The following DDX10 variants were observed in gnomAD, a reference collection of about 807,000 sequenced individuals.
DDX10 encodes DEAD-box helicase 10.
Under a neutral mutation model 104.3 loss-of-function variants are expected in DDX10, and 74 were observed. That is an observed-to-expected ratio of 0.71 (90% CI 0.59 to 0.86). DDX10 has a LOEUF of 0.86. DDX10 is among the 40% of genes least tolerant of loss of function. The pLI, the probability that DDX10 is intolerant of heterozygous loss-of-function variation, is 0.00. For synonymous variants in DDX10, 351 were observed against 353.4 expected (o/e 0.99, Z 0.08); for missense variants, 952 against 1,040.0 (o/e 0.92, Z 1.16).
intron 17 of DDX10, among the ~76,000 whole-genome samples, chr11:108,939,634 G>A (rs149159210): frequency 0.01 from 1,546 of 152,272 alleles, 22 homozygotes; most frequent in African/African-American, 0.036. Context: ...TCAGAAATTA[G>A]CTTTGTTTTT....
intron 16 of DDX10, among the ~76,000 whole-genome samples, chr11:108,902,943 G>A (rs942417144): frequency 1.3e-4 from 19 of 151,668 alleles, no homozygotes; most frequent in South Asian, 6.2e-4. Context: ...GATAATTTAC[G>A]TACTGTAAAA....
At chr11:108,835,480 G>C (rs1181231941) in intron 13 of DDX10, among the ~76,000 whole-genome samples, 1 of 152,222 alleles carries the variant, frequency 6.6e-6, no homozygotes, top group African/African-American at 2.4e-5. Flanking sequence ...ACCGGAAGGA[G>C]GGCCTTGAGT....
intron 16 of DDX10, among the ~76,000 whole-genome samples, chr11:108,880,993 A>C (rs1365437680): frequency 6.6e-6 from 1 of 152,210 alleles, no homozygotes; most frequent in African/African-American, 2.4e-5. Flanking sequence ...ATTTATAGAC[A>C]GACTCTTATG....
intron 13 of DDX10, among the ~76,000 whole-genome samples, chr11:108,761,121 T>G (rs1366378501): frequency 6.6e-6 from 1 of 151,762 alleles, no homozygotes; most frequent in East Asian, 1.9e-4. Flanking sequence ...TATTATGGAG[T>G]GTGTTATAAT....
At chr11:108,850,697 A>T (rs757692129) in intron 15 of DDX10, among the ~76,000 whole-genome samples, 1 of 152,190 alleles carries the variant, frequency 6.6e-6, no homozygotes, top group Non-Finnish European at 1.5e-5. Context: ...TCTAAAACAT[A>T]TTGATACGGA....
chr11:108,748,093 G>A (rs904730793), intron 13 of DDX10, among the ~76,000 whole-genome samples: 3 of 152,172 alleles, frequency 2.0e-5, no homozygotes, highest in African/African-American at 7.2e-5. Flanking sequence ...GCAGATTTTA[G>A]AAGGGACTTG....
rs2094208715 is a variant in DDX10 at position 108,665,346 on chromosome 11, C to T, written c.186+7C>T. The T allele has an allele frequency of 6.4e-7, 1 of 1,570,466 alleles. No homozygotes were observed. Among genetic ancestry groups the T allele is most frequent in the African/African-American group, 1.4e-5 (1 of 72,606 alleles). On this transcript the variant is annotated splice_region_variant and intron_variant, in intron 1 of 17. Coordinates refer to ENST00000322536, the MANE Select transcript of DDX10 (RefSeq NM_004398.4). ...CATGCAGAACTATGAAAAGGTGAGG[C>T]CGGCGCTGGGGAGGGGGCTCGGGCC...
At chr11:108,896,598 C>A (rs1036718658) in intron 16 of DDX10, among the ~76,000 whole-genome samples, 19 of 152,126 alleles carry the variant, frequency 1.2e-4, no homozygotes, top group African/African-American at 4.6e-4. Context: ...GTAGCAAGAG[C>A]ATTCCTGGTT....
At chr11:108,703,884 A>G (rs150676928) in intron 9 of DDX10, among the ~76,000 whole-genome samples, 3 of 152,284 alleles carry the variant, frequency 2.0e-5, no homozygotes, top group African/African-American at 7.2e-5. Flanking sequence ...AGATGTGTGT[A>G]ATGTAAAATA....
chr11:108,807,593 CTG>C (rs1041600843), intron 13 of DDX10, among the ~76,000 whole-genome samples: 19 of 152,130 alleles, frequency 1.2e-4, no homozygotes, highest in South Asian at 2.1e-4. Context: ...AAGTAGCAGA[CTG>C]TGGTGAACAG....
chr11:108,872,087 T>C (rs920426992), intron 16 of DDX10, among the ~76,000 whole-genome samples: 6 of 152,232 alleles, frequency 3.9e-5, no homozygotes, highest in African/African-American at 1.4e-4. Context: ...GAATTTGCCT[T>C]ATGAGTTAAC....
intron 13 of DDX10, among the ~76,000 whole-genome samples, chr11:108,771,837 A>G (rs987240844): frequency 3.5e-4 from 53 of 152,272 alleles, no homozygotes; most frequent in African/African-American, 1.2e-3. Flanking sequence ...CAATGTTGAT[A>G]TGTTTGCTTG....
rs1565256377 is a variant in DDX10 at position 108,715,901 on chromosome 11, G to A, written c.1345G>A (p.Asp449Asn). Residue 449 changes from aspartate to asparagine, a missense_variant, in exon 11 of 18, where the codon GAT becomes AAT. This residue lies in a region of DDX10 where 533 missense variants were observed against 534.1 expected (regional missense o/e 1.00). Coordinates refer to ENST00000322536, the MANE Select transcript of DDX10 (RefSeq NM_004398.4). Reference protein sequence around the residue: ...EIKINPEKLIDVQKKLESILA... With the variant: ...EIKINPEKLINVQKKLESILA... ...AAGAATCAATCCAGAAAAACTTATA[G>A]ATGTCCAGAAAAAATTGGAATCTAT... 3 of 1,541,938 alleles carry A rather than the reference G, an allele frequency of 1.9e-6. No homozygotes were observed. Among genetic ancestry groups the A allele is most frequent in the Admixed American group, 1.7e-5 (1 of 58,584 alleles).
At chr11:108,683,885 G>T (rs2094238998) in intron 6 of DDX10, among the ~76,000 whole-genome samples, 1 of 151,974 alleles carries the variant, frequency 6.6e-6, no homozygotes, top group Non-Finnish European at 1.5e-5. Context: ...GGTGGGGGGT[G>T]GAGGTTGTGT....
intron 16 of DDX10, among the ~76,000 whole-genome samples, chr11:108,885,913 T>C (rs755927413): frequency 6.6e-6 from 1 of 152,132 alleles, no homozygotes; most frequent in Non-Finnish European, 1.5e-5. Context: ...AAATCTTCTA[T>C]TTATTACACA....
intron 16 of DDX10, among the ~76,000 whole-genome samples, chr11:108,878,626 T>G (rs1019593418): frequency 1.3e-5 from 2 of 152,230 alleles, no homozygotes; most frequent in African/African-American, 2.4e-5. Context: ...TTTCACTTGG[T>G]TCTTTCTTTT....
chr11:108,708,346 CTTT>C (rs34027233), intron 10 of DDX10, among the ~76,000 whole-genome samples: 8 of 93,578 alleles, frequency 8.5e-5, no homozygotes, highest in Non-Finnish European at 1.4e-4. Flanking sequence ...ACATTAAGGT[CTTT>C]TTTTTTTTTT....
chr11:108,720,781 T>C (rs4754349), intron 12 of DDX10, among the ~76,000 whole-genome samples: 18,662 of 151,848 alleles, frequency 0.12, 1,565 homozygotes, highest in East Asian at 0.27. Flanking sequence ...TTTGTAGAGA[T>C]AGGGTTTCGC....
chr11:108,917,946 G>T lies in DDX10; in HGVS notation c.2378G>T (p.Ser793Ile). Residue 793 changes from serine (S) to isoleucine (I), a missense_variant, in exon 17 of 18, where the codon AGC becomes ATC. Physicochemically the swap from Ser to Ile is moderately radical, Grantham distance 142 (BLOSUM62 -2). Transcript: ENST00000322536. ...GATGATGATGATGGATTTGATCCAA[G>T]CACACTCCCAGATCCAGATAAATAC... is the stretch of plus-strand genomic sequence containing the variant. ...DDDDDDGFDPSTLPDPDKYRS... is the reference protein window; with the variant it reads ...DDDDDDGFDPITLPDPDKYRS... 1 of 1,613,188 alleles carries T rather than the reference G, an allele frequency of 6.2e-7. No individual in the cohort carries two copies. Among genetic ancestry groups the T allele is most frequent in the Non-Finnish European group, 8.5e-7 (1 of 1,179,908 alleles).
Sources: allele counts gnomAD v4.1 joint callset (sites outside exome capture counted in the v4.1 genomes callset), GRCh38; gene constraint gnomAD v4.1.1; regional missense constraint gnomAD v4.1.1; transcripts MANE v1.5; gene names NCBI Gene and HGNC (gene_info 2026-07-23, HGNC 2026-07-21).